KDM4C: variants seen among roughly 807,000 people sequenced by gnomAD.
KDM4C encodes lysine-specific demethylase 4C.
KDM4C carries 81 observed loss-of-function variants against 129.3 expected under a neutral mutation model. That is an observed-to-expected ratio of 0.63 (90% CI 0.52 to 0.75). KDM4C has a LOEUF of 0.75. KDM4C is among the 30% of genes least tolerant of loss of function. The pLI, the probability that KDM4C is intolerant of heterozygous loss-of-function variation, is 0.00. For synonymous variants in KDM4C, 573 were observed against 456.1 expected (o/e 1.26, Z -3.26); for missense variants, 1,457 against 1,304.0 (o/e 1.12, Z -1.81).
chr9:6,744,990 C>T (rs1426240434), intron 1 of KDM4C, among the ~76,000 whole-genome samples: 1 of 152,144 alleles, frequency 6.6e-6, no homozygotes, highest in Admixed American at 6.6e-5. Flanking sequence ...ATTCCTCCTC[C>T]TCCACCTCCT....
intron 1 of KDM4C, chr9:6,748,885 C>G: frequency 2.1e-6 from 2 of 972,112 alleles, no homozygotes; most frequent in East Asian, 4.8e-5. Context: ...TAGAGCCACA[C>G]CTGAATCTGC....
chr9:6,902,687 G>A (rs898374219), intron 8 of KDM4C: 3 of 152,138 alleles, frequency 2.0e-5, no homozygotes, highest in African/African-American at 7.2e-5. Flanking sequence ...TTAATTTGGG[G>A]GAAGACTGGT....
chr9:6,989,407 G>C (rs893168819), intron 11 of KDM4C, among the ~76,000 whole-genome samples: 1 of 151,936 alleles, frequency 6.6e-6, no homozygotes, highest in Non-Finnish European at 1.5e-5. Context: ...AAAATTTTGC[G>C]TTGTGCGAGC....
At chr9:6,911,153 ATTAC>A (rs1819230101) in intron 8 of KDM4C, among the ~76,000 whole-genome samples, 1 of 152,214 alleles carries the variant, frequency 6.6e-6, no homozygotes, top group South Asian at 2.1e-4. Flanking sequence ...GCTGGCTTAA[ATTAC>A]TTAATTTACT....
chr9:6,928,226 C>T lies in KDM4C; in HGVS notation c.921+34994C>T, dbSNP rs541265990. On this transcript the variant is annotated intron_variant, in intron 8 of 21. Transcript: ENST00000381309. Reference sequence around the variant, plus strand: ...AACACTATACTCACCTTGTTTTCTTCCAGCTTTCCAGCCGTTATTTCACAG... The same window carrying T: ...AACACTATACTCACCTTGTTTTCTTTCAGCTTTCCAGCCGTTATTTCACAG... Among the ~76,000 whole-genome samples, 4 of 152,326 alleles carry T rather than the reference C, an allele frequency of 2.6e-5. No homozygotes were observed. In the South Asian group the frequency reaches 6.2e-4, roughly 24 times the overall value.
chr9:7,082,646 T>C (rs1834669451), intron 17 of KDM4C, among the ~76,000 whole-genome samples: 1 of 152,224 alleles, frequency 6.6e-6, no homozygotes, highest in African/African-American at 2.4e-5. Context: ...ATTTGTCTGC[T>C]GACTTGACAC....
chr9:7,045,376 G>A (rs1207668073), intron 15 of KDM4C, among the ~76,000 whole-genome samples: 1 of 152,000 alleles, frequency 6.6e-6, no homozygotes, highest in Non-Finnish European at 1.5e-5. Flanking sequence ...TACAACGAAA[G>A]TACTTGACCT....
At chr9:6,863,445 T>C (rs78447486) in intron 5 of KDM4C, among the ~76,000 whole-genome samples, 9,856 of 152,126 alleles carry the variant, frequency 0.065, 830 homozygotes, top group African/African-American at 0.19. Flanking sequence ...GGTCACATGT[T>C]GCTTCCATTC....
chr9:7,108,367 G>T (rs1480888566), intron 18 of KDM4C, among the ~76,000 whole-genome samples: 1 of 152,114 alleles, frequency 6.6e-6, no homozygotes, highest in Non-Finnish European at 1.5e-5. Flanking sequence ...CTCCCAAGTA[G>T]CTGGGACTAC....
intron 18 of KDM4C, among the ~76,000 whole-genome samples, chr9:7,104,846 G>A (rs1473837113): frequency 1.3e-5 from 2 of 152,234 alleles, no homozygotes; most frequent in Non-Finnish European, 2.9e-5. Context: ...GGCTTGTGGA[G>A]TCACACACAG....
At chr9:6,843,240 T>G (rs1837299127) in intron 4 of KDM4C, among the ~76,000 whole-genome samples, 1 of 152,258 alleles carries the variant, frequency 6.6e-6, no homozygotes, top group African/African-American at 2.4e-5. Context: ...GCTGCCATGC[T>G]GTTTGGAACA....
At chr9:6,823,113 T>G (rs1018236064) in intron 4 of KDM4C, among the ~76,000 whole-genome samples, 7 of 152,240 alleles carry the variant, frequency 4.6e-5, no homozygotes, top group Non-Finnish European at 8.8e-5. Flanking sequence ...TCATAATCTA[T>G]AACCCTAGAT....
At chr9:6,980,192 C>T (rs543643335) in intron 8 of KDM4C, among the ~76,000 whole-genome samples, 1 of 152,296 alleles carries the variant, frequency 6.6e-6, no homozygotes, top group East Asian at 1.9e-4. Context: ...TAGTGCTGGC[C>T]TAGACCTGAT....
chr9:6,979,366 G>A (rs1037980409), intron 8 of KDM4C, among the ~76,000 whole-genome samples: 5 of 152,192 alleles, frequency 3.3e-5, no homozygotes, highest in Non-Finnish European at 7.3e-5. Flanking sequence ...CGAGGATGAA[G>A]TTTTGCTGGA....
intron 8 of KDM4C, among the ~76,000 whole-genome samples, chr9:6,912,538 A>T (rs562343941): frequency 2.0e-5 from 3 of 152,268 alleles, no homozygotes; most frequent in African/African-American, 7.2e-5. Context: ...ATGATCATTA[A>T]TGTATGTGAA....
In KDM4C at chr9:6,981,068, A is replaced by G; in HGVS notation, c.1065A>G (p.Glu355=). 2 of 1,613,634 alleles carry G rather than the reference A, an allele frequency of 1.2e-6. No homozygotes were observed. The highest frequency in any genetic ancestry group is 1.1e-5 in the South Asian group (1 of 91,010). ...AGCCTACTCCAGCATCCACCCCTGA[A>G]GTAAAAGCATGGCTGCAGAGGAGGA... ...HTKPTPASTP[E]VKAWLQRRRK... is the part of the protein sequence containing the mutation. Residue 355 remains glutamate, a synonymous_variant, in exon 9 of 22, where the codon GAA becomes GAG. Coordinates refer to ENST00000381309, the MANE Select transcript of KDM4C (RefSeq NM_015061.6).
At chr9:6,775,839 G>C (rs755592758) in intron 1 of KDM4C, among the ~76,000 whole-genome samples, 1 of 152,142 alleles carries the variant, frequency 6.6e-6, no homozygotes. Context: ...TTTTTAAACA[G>C]TTGCACTGCT....
chr9:7,050,797 A>G (rs1245065149), intron 17 of KDM4C, among the ~76,000 whole-genome samples: 1 of 152,168 alleles, frequency 6.6e-6, no homozygotes, highest in Non-Finnish European at 1.5e-5. Flanking sequence ...CATCAGTCCC[A>G]AAGGGTTTTT....
upstream of KDM4C, among the ~76,000 whole-genome samples, chr9:6,754,155 C>T (rs1289129960): frequency 2.0e-5 from 3 of 151,682 alleles, no homozygotes; most frequent in South Asian, 2.1e-4. Flanking sequence ...GGATTATAGG[C>T]GTGAGCTACC....
Sources: allele counts gnomAD v4.1 joint callset (sites outside exome capture counted in the v4.1 genomes callset), GRCh38; gene constraint gnomAD v4.1.1; transcripts MANE v1.5; gene names NCBI Gene and HGNC (gene_info 2026-07-23, HGNC 2026-07-21).